The following GPC6 variants were observed in gnomAD, a reference collection of about 807,000 sequenced individuals.
The protein encoded by GPC6 is glypican-6.
Under a neutral mutation model 55.2 loss-of-function variants are expected in GPC6, and 14 were observed. The ratio of observed to expected loss-of-function variants is 0.25; its 90% CI spans 0.17 to 0.40. GPC6 has a LOEUF of 0.40. Among genes scored for constraint, GPC6 ranks in the 10% least tolerant of loss-of-function variants. The pLI is 1.00. For synonymous variants in GPC6, 278 were observed against 259.6 expected (o/e 1.07, Z -0.68); for missense variants, 641 against 708.5 (o/e 0.90, Z 1.08).
At chr13:93,533,849 C>T (rs879894690) in intron 1 of GPC6, among the ~76,000 whole-genome samples, 7 of 151,996 alleles carry the variant, frequency 4.6e-5, no homozygotes, top group Admixed American at 2.6e-4. Flanking sequence ...TCCAAGGATT[C>T]GTCCAAGAAC....
rs561444749 is a variant in GPC6 at position 93,964,901 on chromosome 13, T to C, written c.712-62828T>C. The stretch of plus-strand genomic sequence containing the variant: ...TTCTACATGGGAATAAAAAATGTTG[T>C]AGCATTCTACACATTGCAGAAAATA... On this transcript the variant is annotated intron_variant, in intron 3 of 8. Transcript: ENST00000377047. Among the ~76,000 whole-genome samples the C allele has an allele frequency of 2.6e-5, 4 of 152,246 alleles. No homozygotes were observed. The South Asian group carries it at 8.3e-4, about 32-fold the overall frequency.
chr13:93,997,844 G>T (rs990183111), intron 3 of GPC6, among the ~76,000 whole-genome samples: 1 of 152,178 alleles, frequency 6.6e-6, no homozygotes, highest in African/African-American at 2.4e-5. Context: ...TGCTGCATTA[G>T]CAACAAGTGA....
intron 2 of GPC6, among the ~76,000 whole-genome samples, chr13:93,667,832 T>A (rs1198728224): frequency 6.6e-6 from 1 of 151,486 alleles, no homozygotes; most frequent in African/African-American, 2.4e-5. Context: ...CTGAACAGCT[T>A]AGCCTGGTAT....
chr13:93,367,039 A>C (rs1881277258), intron 1 of GPC6, among the ~76,000 whole-genome samples: 1 of 152,092 alleles, frequency 6.6e-6, no homozygotes, highest in African/African-American at 2.4e-5. Flanking sequence ...GTCGCAACAC[A>C]TGCAAAGCTC....
chr13:94,369,802 G>C (rs1002783691), intron 6 of GPC6, among the ~76,000 whole-genome samples: 4 of 151,678 alleles, frequency 2.6e-5, no homozygotes, highest in African/African-American at 9.7e-5. Context: ...GTGTTTTTTT[G>C]TTTTTTGGGG....
chr13:93,490,514 G>GTTTTTTTTTT (rs796098096), intron 1 of GPC6, among the ~76,000 whole-genome samples: 1 of 35,330 alleles, frequency 2.8e-5, no homozygotes. Flanking sequence ...TTTTTTTTGA[G>GTTTTTTTTTT]TTTTTTTTTT....
chr13:94,309,548 G>A (rs934261364), intron 6 of GPC6, among the ~76,000 whole-genome samples: 2 of 148,456 alleles, frequency 1.3e-5, no homozygotes, highest in Non-Finnish European at 3.0e-5. Flanking sequence ...AAATTCTTTT[G>A]TATCTCTAGG....
chr13:94,083,994 A>T (rs1378179174), intron 4 of GPC6, among the ~76,000 whole-genome samples: 1 of 152,210 alleles, frequency 6.6e-6, no homozygotes, highest in African/African-American at 2.4e-5. Flanking sequence ...CATTTTATCC[A>T]AACGAAAATG....
chr13:93,459,307 C>T (rs1878592770), intron 1 of GPC6, among the ~76,000 whole-genome samples: 2 of 152,240 alleles, frequency 1.3e-5, no homozygotes, highest in Non-Finnish European at 2.9e-5. Flanking sequence ...TTCAAACAGT[C>T]CTCCCACCTT....
At chr13:93,572,574 T>C (rs1876460295) in intron 2 of GPC6, among the ~76,000 whole-genome samples, 1 of 152,116 alleles carries the variant, frequency 6.6e-6, no homozygotes, top group Non-Finnish European at 1.5e-5. Flanking sequence ...TTGACAAACA[T>C]TGCTATAGAA....
At chr13:93,711,791 T>C (rs184092461) in intron 2 of GPC6, among the ~76,000 whole-genome samples, 4 of 151,796 alleles carry the variant, frequency 2.6e-5, no homozygotes. Context: ...CACCCAAGCA[T>C]AGCCTGGAAA....
At chr13:93,294,562 C>T (rs971713897) in intron 1 of GPC6, among the ~76,000 whole-genome samples, 14 of 152,004 alleles carry the variant, frequency 9.2e-5, no homozygotes, top group Non-Finnish European at 1.9e-4. Context: ...GTTACCATAC[C>T]GTATGCTTGG....
intron 2 of GPC6, among the ~76,000 whole-genome samples, chr13:93,770,903 A>T (rs1254075039): frequency 1.3e-5 from 2 of 151,794 alleles, no homozygotes; most frequent in African/African-American, 4.8e-5. Context: ...TTTCATCCTT[A>T]GGATGGTTCT....
chr13:93,864,483 C>G (rs1888903450), intron 3 of GPC6, among the ~76,000 whole-genome samples: 1 of 151,648 alleles, frequency 6.6e-6, no homozygotes, highest in Non-Finnish European at 1.5e-5. Flanking sequence ...TGTCATTTCT[C>G]TGTAGACCTC....
At chr13:93,826,585 G>A (rs138964202) in intron 2 of GPC6, among the ~76,000 whole-genome samples, 100 of 152,306 alleles carry the variant, frequency 6.6e-4, no homozygotes, top group African/African-American at 2.4e-3. Context: ...ATCCAGCACA[G>A]AACATGTTTA....
chr13:94,320,896 ACT>A (rs111969853), intron 6 of GPC6, among the ~76,000 whole-genome samples: 18 of 152,222 alleles, frequency 1.2e-4, no homozygotes, highest in Middle Eastern at 3.4e-3. Context: ...TCCTTCACCA[ACT>A]CTGAGTTAAG....
At chr13:93,784,579 G>A (rs759959924) in intron 2 of GPC6, among the ~76,000 whole-genome samples, 1 of 152,144 alleles carries the variant, frequency 6.6e-6, no homozygotes, top group Admixed American at 6.6e-5. Flanking sequence ...TTCTAAGGCC[G>A]AGGTTTATTG....
At chr13:93,752,968 C>G (rs1268391005) in intron 2 of GPC6, among the ~76,000 whole-genome samples, 2 of 152,210 alleles carry the variant, frequency 1.3e-5, no homozygotes, top group Non-Finnish European at 2.9e-5. Context: ...TACATCCTTT[C>G]TTTCATTCTC....
At position 93,830,436 on chromosome 13, in the gene GPC6, G is replaced by C; in HGVS notation, c.602G>C (p.Gly201Ala). The C allele has an allele frequency of 1.2e-6, 2 of 1,613,834 alleles. No individual in the cohort carries two copies. Among genetic ancestry groups the C allele is most frequent in the Non-Finnish European group, 1.7e-6 (2 of 1,179,928 alleles). The change falls in exon 3 of 9, where the codon GGA becomes GCA. Residue 201 changes from glycine (G) to alanine (A), a missense_variant. By Grantham distance (60) the Gly-to-Ala change is moderately conservative. Transcript: ENST00000377047. Reference protein sequence around the residue: ...SKYTDQLKPFGDVPRKLKIQV... With the variant: ...SKYTDQLKPFADVPRKLKIQV... ...TACACTGACCAGCTCAAGCCATTTGGAGACGTGCCCCGGAAACTGAAGATT... is the reference window on the plus strand; with the variant it reads ...TACACTGACCAGCTCAAGCCATTTGCAGACGTGCCCCGGAAACTGAAGATT...
Sources: gnomAD v4.1 joint callset for allele counts (sites outside exome capture counted in the v4.1 genomes callset) on GRCh38, gnomAD v4.1.1 for gene constraint, MANE v1.5 for transcripts, NCBI Gene and HGNC (gene_info 2026-07-23, HGNC 2026-07-21) for gene names.